Variants in SHOC2 observed in about 807,000 individuals in gnomAD.
The protein encoded by SHOC2 is leucine-rich repeat protein SHOC-2.
A neutral mutation model predicts 50.2 loss-of-function variants in SHOC2; 4 were observed. The observed-to-expected ratio is 0.08, with a 90% confidence interval of 0.04 to 0.18. The LOEUF (loss-of-function observed/expected upper bound fraction) is 0.18. Ranked by LOEUF, SHOC2 falls within the 10% of genes least tolerant of loss-of-function variation. The pLI is 1.00. For missense variants in SHOC2, 388 were observed against 669.6 expected (o/e 0.58, Z 4.64); for synonymous variants, 218 against 244.5 (o/e 0.89, Z 1.01).
At chr10:110,977,256 G>T (rs74868147) in intron 2 of SHOC2, among the ~76,000 whole-genome samples, 3,254 of 151,904 alleles carry the variant, frequency 0.021, 125 homozygotes, top group African/African-American at 0.075. Flanking sequence ...TGCATGTCTG[G>T]TAATTTTTTT....
Position 110,964,447 on chromosome 10 carries a change from C to G in SHOC2, c.89C>G (p.Ala30Gly), listed in dbSNP as rs1029427711. ...SAKEREKEAK[A>G]SGGFGKESKE... The stretch of plus-strand genomic sequence containing the variant: ...AAGGAAAGAGAAAAGGAGGCAAAAG[C>G]CTCTGGAGGTTTTGGGAAAGAGAGC... The change falls in exon 2 of 9, where the codon GCC (alanine) becomes GGC (glycine). Residue 30 changes from alanine to glycine, a missense_variant. Coordinates refer to ENST00000369452, the MANE Select transcript of SHOC2 (RefSeq NM_007373.4). The surrounding 1 kb of genome is among the most constrained non-coding windows in gnomAD (Gnocchi z 4.9). 3.7e-6 allele frequency: 6 copies of G among 1,613,880 alleles called. No individual in the cohort carries two copies. Among genetic ancestry groups the G allele is most frequent in the Non-Finnish European group, 4.2e-6 (5 of 1,179,934 alleles).
chr10:110,981,486 A>G (rs1425308447), intron 2 of SHOC2, among the ~76,000 whole-genome samples: 1 of 152,222 alleles, frequency 6.6e-6, no homozygotes, highest in African/African-American at 2.4e-5. Context: ...AAAGTTGATA[A>G]TCTTCACTTT....
intron 1 of SHOC2, among the ~76,000 whole-genome samples, chr10:110,921,045 A>C (rs1846636332): frequency 6.6e-6 from 1 of 152,212 alleles, no homozygotes; most frequent in South Asian, 2.1e-4. Flanking sequence ...TTTAATTTTA[A>C]AGACCTCAAT....
intron 1 of SHOC2, among the ~76,000 whole-genome samples, chr10:110,937,556 C>T (rs11195381): frequency 0.11 from 16,218 of 152,192 alleles, 962 homozygotes; most frequent in Middle Eastern, 0.16. Context: ...TCTCACTCTC[C>T]TCTCCTAGTT....
intron 2 of SHOC2, among the ~76,000 whole-genome samples, chr10:110,983,552 C>G (rs899083141): frequency 6.6e-6 from 1 of 152,238 alleles, no homozygotes; most frequent in African/African-American, 2.4e-5. Context: ...GCCATTTTTA[C>G]TTGTAGAGTT....
At chr10:110,958,540 C>T (rs990094562) in intron 1 of SHOC2, among the ~76,000 whole-genome samples, 2 of 152,182 alleles carry the variant, frequency 1.3e-5, no homozygotes, top group African/African-American at 4.8e-5. Flanking sequence ...TATTTATCTT[C>T]CCCAGAGTAC....
intron 1 of SHOC2, among the ~76,000 whole-genome samples, chr10:110,945,799 C>G (rs1306373719): frequency 6.6e-6 from 1 of 152,156 alleles, no homozygotes; most frequent in African/African-American, 2.4e-5. Flanking sequence ...AACCATCAAT[C>G]AAGCCTATTA....
rs773193436 is a variant in SHOC2 at position 110,992,824 on chromosome 10, G to GT, written c.841+7059_841+7060insT. Among the ~76,000 whole-genome samples the GT allele has an allele frequency of 4.5e-4, 68 of 152,108 alleles. 1 individual carries two copies. The highest frequency in any genetic ancestry group is 6.8e-3 in the Middle Eastern group (2 of 294). ...TTCTGTGTTGCTTACTTTTCAGTTT[G>GT]CTTTCAGTTTAATGTTTCTGAAAAA... On this transcript the variant is annotated intron_variant, in intron 3 of 8. Transcript: ENST00000369452.
intron 3 of SHOC2, among the ~76,000 whole-genome samples, chr10:110,992,988 G>A (rs933821177): frequency 6.6e-6 from 1 of 152,048 alleles, no homozygotes; most frequent in African/African-American, 2.4e-5. Context: ...AAAGTTGCTG[G>A]TTATATTTGC....
intron 1 of SHOC2, among the ~76,000 whole-genome samples, chr10:110,962,673 T>G (rs1847594257): frequency 6.6e-6 from 1 of 152,190 alleles, no homozygotes; most frequent in South Asian, 2.1e-4. Context: ...TGACACATTT[T>G]CAGTGTCCCG....
At chr10:111,000,318 T>C (rs2134168437) in intron 3 of SHOC2, 97 bp from the exon 4 acceptor site, 1 of 1,216,994 alleles carries the variant, frequency 8.2e-7, no homozygotes, top group East Asian at 2.3e-5. Flanking sequence ...AACAGTACTT[T>C]GAAGTAATTT....
At position 110,985,773 on chromosome 10, in the gene SHOC2, A is replaced by G; in HGVS notation, c.841+8A>G. The G allele has an allele frequency of 6.2e-7, 1 of 1,611,090 alleles. No homozygotes were observed. The highest frequency in any genetic ancestry group is 1.3e-5 in the African/African-American group (1 of 74,858). On this transcript the variant is annotated splice_region_variant and intron_variant, in intron 3 of 8. Transcript: ENST00000369452. ...ACCTCCCAGATACTATAGGTATGAG[A>G]GGAGAAAGGAGATATTGATAGCTGT... is the stretch of plus-strand genomic sequence containing the variant.
At chr10:110,978,908 T>C (rs1590814787) in intron 2 of SHOC2, among the ~76,000 whole-genome samples, 2 of 152,254 alleles carry the variant, frequency 1.3e-5, no homozygotes, top group East Asian at 3.8e-4. Context: ...AAAAGCTTTA[T>C]AAAAAGGCAT....
chr10:110,981,332 A>T (rs762427994), intron 2 of SHOC2, among the ~76,000 whole-genome samples: 33 of 152,150 alleles, frequency 2.2e-4, no homozygotes, highest in Non-Finnish European at 5.9e-5. Flanking sequence ...CATATCAATA[A>T]TTTTTTGTCT....
At chr10:111,002,093 C>T (rs1470278527) in intron 4 of SHOC2, among the ~76,000 whole-genome samples, 1 of 151,982 alleles carries the variant, frequency 6.6e-6, no homozygotes, top group Non-Finnish European at 1.5e-5. Flanking sequence ...TATATCCAGT[C>T]TTATTGTCAG....
At chr10:110,981,025 T>A (rs191760053) in intron 2 of SHOC2, among the ~76,000 whole-genome samples, 135 of 152,310 alleles carry the variant, frequency 8.9e-4, no homozygotes, top group African/African-American at 3.1e-3. Flanking sequence ...CCTGCACTGT[T>A]GAATCTCTAG....
At chr10:110,931,936 C>G (rs539951122) in intron 1 of SHOC2, among the ~76,000 whole-genome samples, 1 of 152,224 alleles carries the variant, frequency 6.6e-6, no homozygotes, top group African/African-American at 2.4e-5. Flanking sequence ...GACAACTAAC[C>G]TGCCAAGTCT....
chr10:110,940,270 T>C (rs927186750), intron 1 of SHOC2, among the ~76,000 whole-genome samples: 3 of 152,186 alleles, frequency 2.0e-5, no homozygotes, highest in Non-Finnish European at 1.5e-5. Flanking sequence ...CATAGTTTCT[T>C]GGGGTTTATG....
At chr10:110,999,971 C>CA (rs1212958038) in intron 3 of SHOC2, among the ~76,000 whole-genome samples, 2 of 151,742 alleles carry the variant, frequency 1.3e-5, no homozygotes, top group Non-Finnish European at 2.9e-5. Flanking sequence ...TAAACAATAC[C>CA]ATTTTAGAAA....
Sources: gnomAD v4.1 joint callset for allele counts (sites outside exome capture counted in the v4.1 genomes callset) on GRCh38, gnomAD v4.1.1 for gene constraint, Gnocchi (gnomAD v3.1) non-coding constraint, MANE v1.5 for transcripts, NCBI Gene and HGNC (gene_info 2026-07-23, HGNC 2026-07-21) for gene names.